Variants in SP2 observed in about 807,000 individuals in gnomAD.
The protein encoded by SP2 is transcription factor Sp2.
A neutral mutation model predicts 50.1 loss-of-function variants in SP2; 9 were observed. That is an observed-to-expected ratio of 0.18 (90% CI 0.11 to 0.31). The LOEUF (loss-of-function observed/expected upper bound fraction) is 0.31, where lower values mean the gene tolerates loss of function less well. SP2 is among the 10% of genes least tolerant of loss of function. The pLI is 1.00. For synonymous variants in SP2, 313 were observed against 326.6 expected (o/e 0.96, Z 0.45); for missense variants, 581 against 806.5 (o/e 0.72, Z 3.39).
chr17:47,931,624 C>A (rs1245211552), downstream of SP2, among the ~76,000 whole-genome samples: 1 of 152,200 alleles, frequency 6.6e-6, no homozygotes, highest in Non-Finnish European at 1.5e-5. Context: ...AAGGTTGCCC[C>A]TTAAAGTTGC....
At position 47,916,151 on chromosome 17, in the gene SP2, TGCAGGAC is replaced by T; in HGVS notation, c.85-4_87del. ...TCACTCCTTTTCTCTGCTGTTTTTTTGCAGGACTCCCAGCCATCTCCCTTAGCCCTGC... is the reference window on the plus strand; with the variant it reads ...TCACTCCTTTTCTCTGCTGTTTTTTTTCCCAGCCATCTCCCTTAGCCCTGC... On this transcript the variant is annotated splice_acceptor_variant and splice_polypyrimidine_tract_variant and coding_sequence_variant and intron_variant, in exon 3 of 7. Coordinates refer to ENST00000376741, the MANE Select transcript of SP2 (RefSeq NM_003110.6). LOFTEE classifies it high-confidence loss of function. This position sits in a 1 kb window ranked among gnomAD's most constrained non-coding sequence, Gnocchi z 4.7. 1.3e-6 allele frequency: 2 copies of T among 1,593,928 alleles called. No individual in the cohort carries two copies. The highest frequency in any genetic ancestry group is 3.4e-5 in the Admixed American group (2 of 58,266).
downstream of SP2, among the ~76,000 whole-genome samples, chr17:47,930,158 C>T (rs558901813): frequency 2.0e-4 from 30 of 152,318 alleles, no homozygotes; most frequent in African/African-American, 7.0e-4. Flanking sequence ...CATCTCATCA[C>T]CGCACTGGCA....
intron 1 of SP2, among the ~76,000 whole-genome samples, chr17:47,903,392 G>A (rs970527631): frequency 2.7e-4 from 41 of 152,312 alleles, no homozygotes; most frequent in African/African-American, 9.4e-4. Flanking sequence ...GAGGCCAGGC[G>A]CGGTGGCTCA....
At chr17:47,897,885 T>C (rs1245024276) in intron 1 of SP2, 1 of 984,538 alleles carries the variant, frequency 1.0e-6, no homozygotes, top group East Asian at 1.1e-4. Context: ...CTAACAGGCG[T>C]TAATACCTGT....
chr17:47,902,913 G>A lies in SP2; in HGVS notation c.7+6620G>A, dbSNP rs1215197476. On this transcript the variant is annotated intron_variant, in intron 1 of 6. Coordinates refer to ENST00000376741, the MANE Select transcript of SP2 (RefSeq NM_003110.6). ...TGGGATTACAGGCGGGCACCACCAC[G>A]CCCGGCTAATTTTTGTATTTTTAGT... Among the ~76,000 whole-genome samples the A allele has an allele frequency of 1.1e-4, 16 of 152,262 alleles. No individual in the cohort carries two copies. In the South Asian group the frequency reaches 2.3e-3, roughly 22 times the overall value.
rs1243006642 is a variant in SP2 at position 47,915,353 on chromosome 17, A to G, written c.49A>G (p.Ser17Gly). ...SMAATAAVSP[S>G]DYLQPAASTT... ...GGCTGCCACTGCTGCTGTGAGTCCCAGTGACTACCTGCAGCCTGCCGCCTC... is the reference window on the plus strand; with the variant it reads ...GGCTGCCACTGCTGCTGTGAGTCCCGGTGACTACCTGCAGCCTGCCGCCTC... The change falls in exon 2 of 7, where the codon AGT becomes GGT. Residue 17 changes from serine (S) to glycine (G), a missense_variant. By Grantham distance (56) the Ser-to-Gly change is moderately conservative. Transcript: ENST00000376741. 1 of 1,613,544 alleles carries G rather than the reference A, an allele frequency of 6.2e-7. No homozygotes were observed. Among genetic ancestry groups the G allele is most frequent in the Non-Finnish European group, 8.5e-7 (1 of 1,179,696 alleles).
chr17:47,902,745 A>G (rs1334396460), intron 1 of SP2, among the ~76,000 whole-genome samples: 1 of 151,996 alleles, frequency 6.6e-6, no homozygotes, highest in Admixed American at 6.6e-5. Context: ...GGCTAGTTAG[A>G]TTTTTGTTTT....
rs1239676323 is a variant in SP2, at chr17:47,896,398, G to A, written c.7+105G>A. ...GCCGAGGCCGGGGGTTCCCCCCTGGGGCTGGGTCTGGCGTCGGGGCCCGGC... is the reference window on the plus strand; with the variant it reads ...GCCGAGGCCGGGGGTTCCCCCCTGGAGCTGGGTCTGGCGTCGGGGCCCGGC... On this transcript the variant is annotated intron_variant, in intron 1 of 6. Transcript: ENST00000376741. 1.8e-5 allele frequency: 18 copies of A among 976,990 alleles called. No homozygotes were observed. The East Asian group carries it at 5.9e-4, about 32-fold the overall frequency. 60.5% of individuals were successfully genotyped at this position (976,990 alleles called of 1,614,324 possible).
chr17:47,906,894 C>T (rs12943152), intron 1 of SP2, among the ~76,000 whole-genome samples: 4,263 of 151,956 alleles, frequency 0.028, 206 homozygotes, highest in African/African-American at 0.096. Context: ...TAAAGCCGTG[C>T]GAGTAGGCAT....
chr17:47,906,653 G>A (rs1430525530), intron 1 of SP2, among the ~76,000 whole-genome samples: 1 of 152,234 alleles, frequency 6.6e-6, no homozygotes, highest in Non-Finnish European at 1.5e-5. Context: ...CTGTAAGCAA[G>A]GAAAGACAGC....
At position 47,902,728 on chromosome 17, in the gene SP2, T is replaced by TA. The variant is rs2034590143; in HGVS notation, c.7+6435_7+6436insA. On this transcript the variant is annotated intron_variant, in intron 1 of 6. Transcript: ENST00000376741. ...AGGATTAGGACAATATCGGGAGCACTGTTTGGGGCTAGTTAGATTTTTGTT... is the reference window on the plus strand; with the variant it reads ...AGGATTAGGACAATATCGGGAGCACTAGTTTGGGGCTAGTTAGATTTTTGTT... Among the ~76,000 whole-genome samples the TA allele has an allele frequency of 2.0e-5, 3 of 152,150 alleles. No individual in the cohort carries two copies. The South Asian group carries it at 6.2e-4, about 32-fold the overall frequency.
rs948206060 is a variant in SP2 at position 47,897,908 on chromosome 17, A to T, written c.7+1615A>T. 6.6e-5 allele frequency: 65 copies of T among 979,394 alleles called. No homozygotes were observed. In the Middle Eastern group the frequency reaches 1.6e-3, roughly 24 times the overall value. 60.7% of individuals were successfully genotyped at this position (979,394 alleles called of 1,614,324 possible). A position where few individuals can be genotyped will look rare whatever the true frequency, so the allele number is the denominator to read the frequency against. On this transcript the variant is annotated intron_variant, in intron 1 of 6. Coordinates refer to ENST00000376741, the MANE Select transcript of SP2 (RefSeq NM_003110.6). The stretch of plus-strand genomic sequence containing the variant: ...CGTTAATACCTGTTGGAAATGGATT[A>T]TCATTGGCTGGGACGATTGGTAAGT...
rs1215832440 is a variant in SP2, at chr17:47,916,645, A to G, written c.574A>G (p.Thr192Ala). ...APIQKSSTTT[T>A]PVQSGANVVK... ...CATCCAGAAGTCGAGTACGACCACC[A>G]CCCCCGTGCAGAGCGGGGCCAATGT... Residue 192 changes from threonine (T) to alanine (A), a missense_variant, in exon 3 of 7, where the codon ACC becomes GCC. Thr to Ala is a moderately conservative substitution (Grantham distance 58). This residue lies in a region of SP2 where 397 missense variants were observed against 491.0 expected (regional missense o/e 0.81). Coordinates refer to ENST00000376741, the MANE Select transcript of SP2 (RefSeq NM_003110.6). This position sits in a 1 kb window ranked among gnomAD's most constrained non-coding sequence, Gnocchi z 4.7. 3 of 1,613,276 alleles carry G rather than the reference A, an allele frequency of 1.9e-6. No homozygotes were observed. The highest frequency in any genetic ancestry group is 1.7e-5 in the Admixed American group (1 of 59,932).
intron 1 of SP2, among the ~76,000 whole-genome samples, chr17:47,906,166 G>A (rs902069582): frequency 1.3e-4 from 20 of 152,330 alleles, no homozygotes; most frequent in East Asian, 9.6e-4. Flanking sequence ...TTTAGAGGCC[G>A]TAGGCAGTAT....
intron 3 of SP2, among the ~76,000 whole-genome samples, chr17:47,920,521 T>G (rs975037248): frequency 1.3e-5 from 2 of 151,766 alleles, no homozygotes; most frequent in Non-Finnish European, 1.5e-5. Context: ...CTCCTGACTC[T>G]GTGATCCGCC....
intron 1 of SP2, among the ~76,000 whole-genome samples, chr17:47,904,726 T>C (rs1468367846): frequency 6.6e-6 from 1 of 152,186 alleles, no homozygotes; most frequent in African/African-American, 2.4e-5. Flanking sequence ...TTACTGTTAA[T>C]GGGCTCTTTT....
At chr17:47,918,239 G>A (rs963983473) in intron 3 of SP2, among the ~76,000 whole-genome samples, 2 of 152,110 alleles carry the variant, frequency 1.3e-5, no homozygotes, top group Non-Finnish European at 2.9e-5. Context: ...GGAGAAGAGA[G>A]CCTTTGAATT....
intron 6 of SP2, among the ~76,000 whole-genome samples, chr17:47,926,190 TAGAGG>T (rs2144089239): frequency 6.6e-6 from 1 of 151,750 alleles, no homozygotes; most frequent in East Asian, 2.0e-4. Flanking sequence ...GTGCTAGGAA[TAGAGG>T]CGTGAGCCAC....
chr17:47,903,523 C>T (rs1325967710), intron 1 of SP2, among the ~76,000 whole-genome samples: 1 of 151,528 alleles, frequency 6.6e-6, no homozygotes. Flanking sequence ...AAAAATTAGC[C>T]GGGCGTGGTG....
Sources: allele counts gnomAD v4.1 joint callset (sites outside exome capture counted in the v4.1 genomes callset), GRCh38; gene constraint gnomAD v4.1.1; regional missense constraint gnomAD v4.1.1; non-coding constraint Gnocchi (gnomAD v3.1); transcripts MANE v1.5; gene names NCBI Gene and HGNC (gene_info 2026-07-23, HGNC 2026-07-21).